The following TBC1D9 variants were observed in gnomAD, a reference collection of about 807,000 sequenced individuals.
TBC1D9 encodes TBC1 domain family member 9A.
Under a neutral mutation model 132.0 loss-of-function variants are expected in TBC1D9, and 63 were observed. The ratio of observed to expected loss-of-function variants is 0.48; its 90% CI spans 0.39 to 0.59. The LOEUF (loss-of-function observed/expected upper bound fraction) is 0.59, where lower values mean the gene tolerates loss of function less well. Ranked by LOEUF, TBC1D9 falls within the 20% of genes least tolerant of loss-of-function variation. TBC1D9 has a pLI of 0.00. For missense variants in TBC1D9, 1,261 were observed against 1,592.7 expected (o/e 0.79, Z 3.54); for synonymous variants, 610 against 609.9 (o/e 1.00, Z 0.00).
At position 140,622,138 on chromosome 4, in the gene TBC1D9, G is replaced by T. The variant is rs866953634; in HGVS notation, c.*57C>A. The T allele has an allele frequency of 6.6e-7, 1 of 1,505,830 alleles. No homozygotes were observed. The highest frequency in any genetic ancestry group is 1.4e-5 in the South Asian group (1 of 72,754). 93.3% of individuals were successfully genotyped at this position (1,505,830 alleles called of 1,614,324 possible). On this transcript the variant is annotated 3_prime_UTR_variant, in exon 21 of 21. Transcript: ENST00000442267. The stretch of plus-strand genomic sequence containing the variant: ...AAGAAAGAAAAAACTCAACACAGAA[G>T]AACATAAAAAATCCCTCCCCTCCCT...
At chr4:140,642,274 C>T (rs1367642398) in intron 13 of TBC1D9, 4 of 706,372 alleles carry the variant, frequency 5.7e-6, no homozygotes, top group African/African-American at 5.3e-5. Context: ...CTGCTCACTT[C>T]GGAGGCAAAC....
chr4:140,676,812 G>T, intron 6 of TBC1D9, 82 bp downstream of exon 6: 3 of 1,533,566 alleles, frequency 2.0e-6, no homozygotes, highest in African/African-American at 1.4e-5. Context: ...AAAGCCAATT[G>T]TTGGTAAAAA....
chr4:140,679,110 C>T lies in TBC1D9; in HGVS notation c.683G>A (p.Ser228Asn). The T allele has an allele frequency of 6.2e-7, 1 of 1,613,954 alleles. No homozygotes were observed. The highest frequency in any genetic ancestry group is 8.5e-7 in the Non-Finnish European group (1 of 1,179,864). The change falls in exon 5 of 21, where the codon AGT (serine) becomes AAT (asparagine). Residue 228 changes from serine to asparagine, a missense_variant. Around this residue, in one of 3 missense-constraint regions of TBC1D9, gnomAD observed 550 missense variants for 699.0 expected, o/e 0.79. Transcript: ENST00000442267. ...GAGGAATACAGAGAAGAAATGCTCA[C>T]TGGACCGTGTGCTCACTTTGATCAC... ...PDVIKVSTRS[S>N]EHFFSVFLNI... is the part of the protein sequence containing the mutation.
intron 1 of TBC1D9, among the ~76,000 whole-genome samples, chr4:140,716,934 A>AC (rs1560894675): frequency 2.6e-5 from 4 of 151,606 alleles, no homozygotes; most frequent in South Asian, 4.2e-4. Context: ...AAAAAAAAAA[A>AC]ACACAAACAA....
intron 3 of TBC1D9, among the ~76,000 whole-genome samples, chr4:140,685,129 A>G (rs1737760222): frequency 1.3e-5 from 2 of 152,326 alleles, no homozygotes; most frequent in South Asian, 4.1e-4. Context: ...CACAGTAAAG[A>G]CTGGTTCAGA....
rs766659506 is a variant in TBC1D9, at chr4:140,661,871, A to C, written c.1803+22T>G. 14 of 1,593,078 alleles carry C rather than the reference A, an allele frequency of 8.8e-6. No homozygotes were observed. The South Asian group carries it at 1.3e-4, about 15-fold the overall frequency. ...AGAAATTTTATTTTATTTTTTTAGCAAAAACCACCTGTGACATTTACCTGG... is the reference window on the plus strand; with the variant it reads ...AGAAATTTTATTTTATTTTTTTAGCCAAAACCACCTGTGACATTTACCTGG... On this transcript the variant is annotated intron_variant, in intron 10 of 20. Coordinates refer to ENST00000442267, the MANE Select transcript of TBC1D9 (RefSeq NM_015130.3).
At chr4:140,730,041 C>G (rs1205573345) in intron 1 of TBC1D9, among the ~76,000 whole-genome samples, 1 of 152,098 alleles carries the variant, frequency 6.6e-6, no homozygotes, top group Non-Finnish European at 1.5e-5. Flanking sequence ...TGCCTTCCCC[C>G]GTATAGACTC....
At chr4:140,720,545 C>T (rs560282771) in intron 1 of TBC1D9, among the ~76,000 whole-genome samples, 1 of 152,340 alleles carries the variant, frequency 6.6e-6, no homozygotes, top group South Asian at 2.1e-4. Context: ...ATTAAGTGAG[C>T]AAAGCTGGGA....
intron 1 of TBC1D9, among the ~76,000 whole-genome samples, chr4:140,752,329 T>C (rs1578868356): frequency 6.6e-6 from 1 of 151,658 alleles, no homozygotes; most frequent in East Asian, 1.9e-4. Flanking sequence ...CAAATGAATA[T>C]ATACTCTATA....
chr4:140,721,570 A>G (rs1239815038), intron 1 of TBC1D9, among the ~76,000 whole-genome samples: 1 of 152,192 alleles, frequency 6.6e-6, no homozygotes, highest in African/African-American at 2.4e-5. Flanking sequence ...TCACACAAAT[A>G]CAAAGAGGAA....
chr4:140,665,486 T>C (rs1737429342), intron 9 of TBC1D9, among the ~76,000 whole-genome samples: 1 of 152,002 alleles, frequency 6.6e-6, no homozygotes. Flanking sequence ...CATGAAAAAA[T>C]GTTCAACATC....
At chr4:140,743,872 G>A (rs781280694) in intron 1 of TBC1D9, among the ~76,000 whole-genome samples, 13 of 152,204 alleles carry the variant, frequency 8.5e-5, no homozygotes, top group Non-Finnish European at 1.8e-4. Flanking sequence ...CCCTAGAGCA[G>A]CAGGTCTGCC....
chr4:140,670,666 C>CT, intron 7 of TBC1D9, 54 bp downstream of exon 7: 1 of 1,500,224 alleles, frequency 6.7e-7, no homozygotes, highest in South Asian at 1.2e-5. Context: ...ACTGAACACA[C>CT]TTGGGCACAG....
At position 140,679,022 on chromosome 4, in the gene TBC1D9, T is replaced by C. The variant is rs776529717; in HGVS notation, c.771A>G (p.Leu257=). 2 of 1,613,962 alleles carry C rather than the reference T, an allele frequency of 1.2e-6. No homozygotes were observed. The highest frequency in any genetic ancestry group is 4.5e-5 in the East Asian group (2 of 44,884). The stretch of plus-strand genomic sequence containing the variant: ...GATCTTGTTCAAATCCCTCATTGTC[T>C]AAGAGTTGCCTCATGGCTATGTTGG... ...QLANIAMRQL[L]DNEGFEQDRS... Residue 257 remains leucine (L), a synonymous_variant, in exon 5 of 21, where the codon TTA becomes TTG. Transcript: ENST00000442267.
At chr4:140,666,165 A>G (rs868246799) in intron 9 of TBC1D9, among the ~76,000 whole-genome samples, 3 of 152,322 alleles carry the variant, frequency 2.0e-5, no homozygotes, top group Non-Finnish European at 2.9e-5. Flanking sequence ...ATATGGTGGA[A>G]CCTTGAACAC....
At chr4:140,727,206 T>C (rs1738515522) in intron 1 of TBC1D9, among the ~76,000 whole-genome samples, 1 of 152,156 alleles carries the variant, frequency 6.6e-6, no homozygotes, top group African/African-American at 2.4e-5. Context: ...TACCATCTAA[T>C]TATCTGTAAT....
Position 140,669,626 on chromosome 4 carries a change from G to A in TBC1D9, c.1437+8C>T, listed in dbSNP as rs1181014690. The A allele has an allele frequency of 1.3e-6, 2 of 1,597,968 alleles. No individual in the cohort carries two copies. Among genetic ancestry groups the A allele is most frequent in the East Asian group, 2.2e-5 (1 of 44,464 alleles). On this transcript the variant is annotated splice_region_variant and intron_variant, in intron 8 of 20. Coordinates refer to ENST00000442267, the MANE Select transcript of TBC1D9 (RefSeq NM_015130.3). Reference sequence around the variant, plus strand: ...ACAAAGTTTCAGGGAAAAGTGAGAGGCACCCACCAATTTCGGGTTGAACTC... The same window carrying A: ...ACAAAGTTTCAGGGAAAAGTGAGAGACACCCACCAATTTCGGGTTGAACTC...
At chr4:140,628,463 A>C in intron 16 of TBC1D9, 98 bp from the exon 17 acceptor site, 1 of 1,104,100 alleles carries the variant, frequency 9.1e-7, no homozygotes, top group South Asian at 1.3e-5. Context: ...ACACATTCCA[A>C]CCAAGACATT....
At chr4:140,641,839 C>T (rs937844436) in intron 13 of TBC1D9, 33 of 310,350 alleles carry the variant, frequency 1.1e-4, no homozygotes, top group Admixed American at 2.8e-4. Flanking sequence ...TGCGGCCATC[C>T]GCACGGGCCT....
Sources: allele counts gnomAD v4.1 joint callset (sites outside exome capture counted in the v4.1 genomes callset), GRCh38; gene constraint gnomAD v4.1.1; regional missense constraint gnomAD v4.1.1; transcripts MANE v1.5; gene names NCBI Gene and HGNC (gene_info 2026-07-23, HGNC 2026-07-21).